Variants in ADAMTS6 observed in about 807,000 individuals in gnomAD.
The protein encoded by ADAMTS6 is A disintegrin and metalloproteinase with thrombospondin motifs 6.
In ADAMTS6, 23 loss-of-function variants were observed where a neutral mutation model predicts 144.3. The ratio of observed to expected loss-of-function variants is 0.16; its 90% confidence interval spans 0.11 to 0.23. The LOEUF (loss-of-function observed/expected upper bound fraction) is 0.23. ADAMTS6 is among the 10% of genes least tolerant of loss of function. The pLI is 1.00. For missense variants in ADAMTS6, 999 were observed against 1,379.6 expected, an observed-to-expected ratio of 0.72 and a Z score of 4.37; for synonymous variants, 444 against 457.5, an observed-to-expected ratio of 0.97 and a Z score of 0.38.
chr5:65,429,550 T>G (rs151307835), intron 7 of ADAMTS6, among the ~76,000 whole-genome samples: 1 of 152,124 alleles, frequency 6.6e-6, no homozygotes, highest in Non-Finnish European at 1.5e-5. Context: ...TAAACTTGTA[T>G]GCTTTCTTTT....
chr5:65,189,421 G>C (rs1278697524), intron 21 of ADAMTS6, among the ~76,000 whole-genome samples: 6 of 152,166 alleles, frequency 3.9e-5, no homozygotes, highest in Non-Finnish European at 8.8e-5. Flanking sequence ...GTTCAGAGCT[G>C]CAGTGGCTGG....
Position 65,281,875 on chromosome 5 carries a change from T to G in ADAMTS6, c.1513-8428A>C, listed in dbSNP as rs141099628. On this transcript the variant is annotated intron_variant, in intron 11 of 24. Transcript: ENST00000381055. Reference sequence around the variant, plus strand: ...CACAAAGAGTATAATTTCTAAAAATTGTTAGAATTACCTTTTCTAATGTTT... The same window carrying G: ...CACAAAGAGTATAATTTCTAAAAATGGTTAGAATTACCTTTTCTAATGTTT... Among the ~76,000 whole-genome samples, 250 of 152,216 alleles carry G rather than the reference T, an allele frequency of 1.6e-3. 1 individual carries two copies. Among genetic ancestry groups the G allele is most frequent in the Middle Eastern group, 3.4e-3 (1 of 294 alleles).
chr5:65,451,943 C>A (rs570927526), intron 6 of ADAMTS6, among the ~76,000 whole-genome samples, 190 bp downstream of exon 6: 1 of 152,188 alleles, frequency 6.6e-6, no homozygotes, highest in South Asian at 2.1e-4. Context: ...ATAGCTTTAA[C>A]ATAAAAGGTA....
chr5:65,365,646 CAAA>C (rs779896418), intron 7 of ADAMTS6, among the ~76,000 whole-genome samples: 3 of 91,972 alleles, frequency 3.3e-5, no homozygotes, highest in Non-Finnish European at 4.5e-5. Context: ...GACTCTGTTT[CAAA>C]AAAAAAAAAA....
At chr5:65,355,551 T>G (rs1313264410) in intron 7 of ADAMTS6, among the ~76,000 whole-genome samples, 1 of 151,922 alleles carries the variant, frequency 6.6e-6, no homozygotes, top group African/African-American at 2.4e-5. Context: ...ATGCCTTCTC[T>G]AAATCCATCT....
chr5:65,219,844 A>C (rs568075084), intron 18 of ADAMTS6, among the ~76,000 whole-genome samples: 2 of 152,388 alleles, frequency 1.3e-5, no homozygotes, highest in East Asian at 1.9e-4. Context: ...AAAATCTTAC[A>C]AACTATTGGG....
rs183547449 is a variant in ADAMTS6 at position 65,175,659 on chromosome 5, G to A, written c.2911-2651C>T. The stretch of plus-strand genomic sequence containing the variant: ...AAAGTAAAAAAAATAACTTTTAGAG[G>A]AAACCTCATTGTGAGCACATCTCAC... On this transcript the variant is annotated intron_variant, in intron 22 of 24. Transcript: ENST00000381055. Among the ~76,000 whole-genome samples the A allele has an allele frequency of 2.4e-3, 362 of 151,496 alleles. 3 individuals carry two copies. Among genetic ancestry groups the A allele is most frequent in the African/African-American group, 8.5e-3 (352 of 41,268 alleles).
intron 20 of ADAMTS6, among the ~76,000 whole-genome samples, chr5:65,201,959 T>C (rs1755766972): frequency 6.6e-6 from 1 of 152,158 alleles, no homozygotes; most frequent in South Asian, 2.1e-4. Context: ...GAGTGACAAG[T>C]GCCAGGAAAA....
intron 14 of ADAMTS6, among the ~76,000 whole-genome samples, chr5:65,248,937 T>C (rs59530072): frequency 0.08 from 12,108 of 152,030 alleles, 534 homozygotes; most frequent in East Asian, 0.11. Context: ...ATATATACAA[T>C]ACATCATAAA....
intron 7 of ADAMTS6, among the ~76,000 whole-genome samples, chr5:65,372,713 A>G (rs1751087388): frequency 1.3e-5 from 2 of 152,218 alleles, no homozygotes; most frequent in African/African-American, 4.8e-5. Flanking sequence ...CAGAAAGTCA[A>G]TAAGGATACC....
intron 14 of ADAMTS6, among the ~76,000 whole-genome samples, chr5:65,253,630 G>A (rs1380838887): frequency 6.6e-6 from 1 of 151,730 alleles, no homozygotes; most frequent in Non-Finnish European, 1.5e-5. Flanking sequence ...TTTAAATTGG[G>A]GTGGCTCACA....
At chr5:65,161,368 G>A (rs190393309) in intron 24 of ADAMTS6, among the ~76,000 whole-genome samples, 116 of 152,218 alleles carry the variant, frequency 7.6e-4, no homozygotes, top group African/African-American at 2.8e-3. Flanking sequence ...TATGTTATCC[G>A]TCCATTCCAT....
chr5:65,259,707 G>C (rs1761003128), intron 14 of ADAMTS6, among the ~76,000 whole-genome samples: 1 of 152,142 alleles, frequency 6.6e-6, no homozygotes, highest in African/African-American at 2.4e-5. Context: ...TGGGAAACAA[G>C]GCAATGGGAA....
chr5:65,310,425 C>T (rs1200326433), intron 9 of ADAMTS6, among the ~76,000 whole-genome samples: 2 of 152,126 alleles, frequency 1.3e-5, no homozygotes, highest in East Asian at 3.9e-4. Context: ...ACATGGGAGG[C>T]TGAGGCAGAA....
At chr5:65,296,215 G>A (rs1742826399) in intron 10 of ADAMTS6, among the ~76,000 whole-genome samples, 1 of 152,106 alleles carries the variant, frequency 6.6e-6, no homozygotes, top group South Asian at 2.1e-4. Context: ...ATTCCACTAA[G>A]TTGGGCTGAT....
intron 24 of ADAMTS6, among the ~76,000 whole-genome samples, chr5:65,161,760 T>TATATATTAAA (rs1188163655): frequency 6.6e-6 from 1 of 152,228 alleles, no homozygotes; most frequent in Non-Finnish European, 1.5e-5. Flanking sequence ...TTTAAATGCA[T>TATATATTAAA]TCCATATATG....
At chr5:65,291,270 C>T in intron 11 of ADAMTS6, 59 bp downstream of exon 11, 1 of 1,554,850 alleles carries the variant, frequency 6.4e-7, no homozygotes, top group Non-Finnish European at 8.7e-7. Flanking sequence ...TCCATCTTAA[C>T]ATCTGTGTCA....
chr5:65,469,032 C>A (rs749153949), intron 3 of ADAMTS6, among the ~76,000 whole-genome samples: 3 of 152,194 alleles, frequency 2.0e-5, no homozygotes, highest in Non-Finnish European at 4.4e-5. Context: ...ATACTTTCAT[C>A]CAAAAGAGAT....
At chr5:65,407,419 T>C (rs1382915991) in intron 7 of ADAMTS6, among the ~76,000 whole-genome samples, 1 of 151,704 alleles carries the variant, frequency 6.6e-6, no homozygotes, top group African/African-American at 2.4e-5. Context: ...ACATGTGCCA[T>C]GTTGGTGTGC....
Sources: gnomAD v4.1 joint callset for allele counts (sites outside exome capture counted in the v4.1 genomes callset) on GRCh38, gnomAD v4.1.1 for gene constraint, MANE v1.5 for transcripts, NCBI Gene and HGNC (gene_info 2026-07-23, HGNC 2026-07-21) for gene names.